SAMM50: variants seen among roughly 807,000 people sequenced by gnomAD.
SAMM50 encodes sorting and assembly machinery component 50 homolog.
Under a neutral mutation model 66.9 loss-of-function variants are expected in SAMM50, and 47 were observed. The observed-to-expected ratio is 0.70, with a 90% CI of 0.56 to 0.90. The LOEUF (loss-of-function observed/expected upper bound fraction) is 0.90, where lower values mean the gene tolerates loss of function less well. SAMM50 is among the 40% of genes least tolerant of loss of function. The pLI is 0.00. For synonymous variants in SAMM50, 191 were observed against 214.1 expected, an observed-to-expected ratio of 0.89 and a Z score of 0.94; for missense variants, 535 against 595.3, an observed-to-expected ratio of 0.90 and a Z score of 1.05.
In SAMM50 at chr22:43,983,223, C is replaced by G. The variant is rs2050273887; in HGVS notation, c.1008-710C>G. ...GCACCTGCCGGGGTTGTGTCCTTGG[C>G]TGCCTCTTGGCTGGAAAGATTACAC... is the stretch of plus-strand genomic sequence containing the variant. On this transcript the variant is annotated intron_variant, in intron 11 of 14. Transcript: ENST00000350028. This position sits in a 1 kb window ranked among gnomAD's most constrained non-coding sequence, Gnocchi z 4.2. Among the ~76,000 whole-genome samples, 1 of 152,222 alleles carries G rather than the reference C, an allele frequency of 6.6e-6. No individual in the cohort carries two copies. Among genetic ancestry groups the G allele is most frequent in the Non-Finnish European group, 1.5e-5 (1 of 68,040 alleles).
chr22:43,982,917 C>T (rs1312987597), intron 11 of SAMM50, among the ~76,000 whole-genome samples: 2 of 152,308 alleles, frequency 1.3e-5, no homozygotes, highest in African/African-American at 4.8e-5. Context: ...ATTACAGGCG[C>T]GAGCTACCGC....
chr22:43,973,003 T>C lies in SAMM50; in HGVS notation c.560+2T>C. ...ACGGCCCGGAAACTTCGAAAGAAAGTAGGAAGCCCAACAGATCATTGAGTA... is the reference window on the plus strand; with the variant it reads ...ACGGCCCGGAAACTTCGAAAGAAAGCAGGAAGCCCAACAGATCATTGAGTA... On this transcript the variant is annotated splice_donor_variant, in intron 6 of 14. Transcript: ENST00000350028. LOFTEE classifies it high-confidence loss of function. The C allele has an allele frequency of 6.3e-7, 1 of 1,588,032 alleles. No individual in the cohort carries two copies. Among genetic ancestry groups the C allele is most frequent in the Non-Finnish European group, 8.5e-7 (1 of 1,173,764 alleles).
chr22:43,957,370 CA>C (rs2050125219), intron 1 of SAMM50: 1 of 479,438 alleles, frequency 2.1e-6, no homozygotes, highest in Non-Finnish European at 3.8e-6. Flanking sequence ...GTCAATAAAT[CA>C]ATGTGGATTT....
At chr22:43,979,238 G>A (rs2050249904) in intron 10 of SAMM50, among the ~76,000 whole-genome samples, 1 of 152,176 alleles carries the variant, frequency 6.6e-6, no homozygotes, top group South Asian at 2.1e-4. Flanking sequence ...CCCTGTGGCT[G>A]CAGCTGCTGC....
chr22:43,968,707 T>C (rs1300380635), intron 3 of SAMM50, 24 bp from the exon 4 acceptor site: 3 of 1,519,460 alleles, frequency 2.0e-6, no homozygotes, highest in Admixed American at 1.7e-5. Flanking sequence ...ATATATTCCT[T>C]GTTTTTCTTC....
chr22:43,966,936 G>T (rs570285867), intron 3 of SAMM50, among the ~76,000 whole-genome samples: 1 of 151,866 alleles, frequency 6.6e-6, no homozygotes, highest in Non-Finnish European at 1.5e-5. Context: ...AGAAATGATC[G>T]CTTTGTAGCC....
At chr22:43,964,636 C>T (rs949744287) in intron 3 of SAMM50, 83 bp downstream of exon 3, 12 of 746,496 alleles carry the variant, frequency 1.6e-5, no homozygotes, top group African/African-American at 5.3e-5. Flanking sequence ...CACAGAGCAC[C>T]CTGCGCCCGG....
chr22:43,974,195 C>T (rs754648857), intron 7 of SAMM50, among the ~76,000 whole-genome samples: 5 of 152,152 alleles, frequency 3.3e-5, no homozygotes, highest in Admixed American at 3.3e-4. Context: ...TGCACATTCG[C>T]GGGCTCCACC....
In SAMM50 at chr22:43,974,024, C is replaced by CT. The variant is rs34728645; in HGVS notation, c.648+712dup. Among the ~76,000 whole-genome samples the CT allele has an allele frequency of 2.7e-5, 4 of 150,120 alleles. No individual in the cohort carries two copies. In the South Asian group the frequency reaches 6.4e-4, roughly 24 times the overall value. ...CTTTTTGGGGCTTTATGATAACCTGCTTTTTTTTTTTCTCCTTCCTTTCGC... is the reference window on the plus strand; with the variant it reads ...CTTTTTGGGGCTTTATGATAACCTGCTTTTTTTTTTTTCTCCTTCCTTTCGC... On this transcript the variant is annotated intron_variant, in intron 7 of 14. Transcript: ENST00000350028.
At chr22:43,978,432 CA>C (rs71313377) in intron 10 of SAMM50, among the ~76,000 whole-genome samples, 5,889 of 68,884 alleles carry the variant, frequency 0.085, 140 homozygotes, top group Middle Eastern at 0.13. Context: ...GACTCCTTCT[CA>C]AAAAAAAAAA....
Position 43,971,754 on chromosome 22 carries a change from G to A in SAMM50, c.323-482G>A, listed in dbSNP as rs75348605. 2.5e-3 allele frequency among the ~76,000 whole-genome samples: 378 copies of A among 151,862 alleles called. 1 individual carries two copies. Among genetic ancestry groups the A allele is most frequent in the Non-Finnish European group, 3.8e-3 (256 of 67,958 alleles). ...GAGACAGGGTCTTGCTCTGTCGTCC[G>A]GGCTGGAATGCAGTGGCACAGTCAT... On this transcript the variant is annotated intron_variant, in intron 4 of 14. Coordinates refer to ENST00000350028, the MANE Select transcript of SAMM50 (RefSeq NM_015380.5).
chr22:43,965,522 A>T (rs935636527), intron 3 of SAMM50, among the ~76,000 whole-genome samples: 9 of 152,130 alleles, frequency 5.9e-5, no homozygotes, highest in South Asian at 2.1e-4. Flanking sequence ...TTGTATTTTT[A>T]AAAAATTAAA....
At chr22:43,974,055 T>G (rs766282722) in intron 7 of SAMM50, among the ~76,000 whole-genome samples, 1 of 152,130 alleles carries the variant, frequency 6.6e-6, no homozygotes, top group Non-Finnish European at 1.5e-5. Context: ...TTCGCCACTG[T>G]TCCTGACTCC....
intron 6 of SAMM50, 38 bp from the exon 7 acceptor site, chr22:43,973,198 T>G (rs1029334111): frequency 7.2e-7 from 1 of 1,396,482 alleles, no homozygotes; most frequent in Non-Finnish European, 1.0e-6. Context: ...TTCTAATCAC[T>G]GTTTCAGCTT....
chr22:43,960,423 C>A (rs1424398427), intron 1 of SAMM50, among the ~76,000 whole-genome samples: 1 of 151,908 alleles, frequency 6.6e-6, no homozygotes, highest in Non-Finnish European at 1.5e-5. Context: ...TCCGAGGTGC[C>A]AGGGCAGATA....
chr22:43,976,824 A>C lies in SAMM50; in HGVS notation c.849+3A>C. The stretch of plus-strand genomic sequence containing the variant: ...GTGCTTTGCTGAAAGTTAACCAGGT[A>C]GTGTTGTTTCACCTGTGACCCCTGC... On this transcript the variant is annotated splice_donor_region_variant and intron_variant, in intron 9 of 14. Coordinates refer to ENST00000350028, the MANE Select transcript of SAMM50 (RefSeq NM_015380.5). 1 of 1,489,322 alleles carries C rather than the reference A, an allele frequency of 6.7e-7. No individual in the cohort carries two copies. The highest frequency in any genetic ancestry group is 1.1e-5 in the South Asian group (1 of 88,968). The allele number at this position is 1,489,322 out of a possible 1,614,324, so 92.3% of individuals were successfully genotyped here.
Position 43,990,295 on chromosome 22 carries a change from T to C in SAMM50, c.1253T>C (p.Leu418Pro), listed in dbSNP as rs759807839. 6.8e-6 allele frequency: 11 copies of C among 1,614,212 alleles called. No individual in the cohort carries two copies. Among genetic ancestry groups the C allele is most frequent in the East Asian group, 2.2e-5 (1 of 44,872 alleles). ...GEGPKAHIRK[L>P]AECIRWSYGA... ...GGCCCCAAAGCTCATATTCGTAAGC[T>C]GGCTGAGTGCATCCGCTGGTCGTAC... The change falls in exon 14 of 15, where the codon CTG (leucine) becomes CCG (proline). Residue 418 changes from leucine to proline, a missense_variant. Physicochemically the swap from Leu to Pro is moderately conservative, Grantham distance 98. Transcript: ENST00000350028.
chr22:43,990,068 G>A (rs2050314942), intron 13 of SAMM50, among the ~76,000 whole-genome samples, 197 bp from the exon 14 acceptor site: 1 of 152,230 alleles, frequency 6.6e-6, no homozygotes, highest in Non-Finnish European at 1.5e-5. Context: ...GCTCATTCTG[G>A]ATGTGAGTAA....
At chr22:43,981,370 C>T in intron 10 of SAMM50, 21 bp from the exon 11 acceptor site, 1 of 1,596,846 alleles carries the variant, frequency 6.3e-7, no homozygotes, top group Non-Finnish European at 8.6e-7. Context: ...AGAAAACAAC[C>T]ATTTGTTTCT....
Sources: allele counts gnomAD v4.1 joint callset (sites outside exome capture counted in the v4.1 genomes callset), GRCh38; gene constraint gnomAD v4.1.1; non-coding constraint Gnocchi (gnomAD v3.1); transcripts MANE v1.5; gene names NCBI Gene and HGNC (gene_info 2026-07-23, HGNC 2026-07-21).